ARHGEF4: variants seen among roughly 807,000 people sequenced by gnomAD.
ARHGEF4 encodes the protein Rho guanine nucleotide exchange factor 4.
Under a neutral mutation model 162.0 loss-of-function variants are expected in ARHGEF4, and 119 were observed. The ratio of observed to expected loss-of-function variants is 0.73; its 90% CI spans 0.63 to 0.86. The LOEUF (loss-of-function observed/expected upper bound fraction) is 0.86. ARHGEF4 is among the 40% of genes least tolerant of loss of function. ARHGEF4 has a pLI of 0.00. For synonymous variants in ARHGEF4, 1,014 were observed against 979.9 expected (o/e 1.03, Z -0.65); for missense variants, 2,488 against 2,456.0 (o/e 1.01, Z -0.28).
At chr2:130,876,511 C>T (rs1678855239) in intron 1 of ARHGEF4, among the ~76,000 whole-genome samples, 1 of 152,192 alleles carries the variant, frequency 6.6e-6, no homozygotes, top group Non-Finnish European at 1.5e-5. Flanking sequence ...CCTGCCTCAG[C>T]CTCCTGAGTA....
chr2:130,863,905 C>T (rs1305238967), intron 1 of ARHGEF4, among the ~76,000 whole-genome samples: 2 of 121,942 alleles, frequency 1.6e-5, no homozygotes, highest in African/African-American at 6.4e-5. Flanking sequence ...GTGAGTTAGG[C>T]GGGGCACAGT....
In ARHGEF4 at chr2:130,917,004, C is replaced by G; in HGVS notation, c.3058C>G (p.Pro1020Ala). 2 of 1,550,960 alleles carry G rather than the reference C, an allele frequency of 1.3e-6. No individual in the cohort carries two copies. The highest frequency in any genetic ancestry group is 1.7e-6 in the Non-Finnish European group (2 of 1,147,062). The change falls in exon 2 of 14, where the codon CCA (proline) becomes GCA (alanine). Residue 1020 changes from proline (P) to alanine (A), a missense_variant. Pro to Ala is a conservative substitution (Grantham distance 27). Transcript: ENST00000409359. ...STPLSSSLVS[P>A]EHRRKSEPTI... ...ACCTTTGTCCTCCAGTTTAGTTTCT[C>G]CAGAACACAGGAGGAAAAGTGAACC...
Position 130,914,189 on chromosome 2 carries a change from T to A in ARHGEF4, c.243T>A (p.Ser81=), listed in dbSNP as rs1009906329. ...GTGCCTCTGACACAGAGTCCTTGTC[T>A]GGGTACCTCCCGAGGGGAGTCTTCC... ...FESASDTESL[S]GYLPRGVFHP... is the part of the protein sequence containing the mutation. Residue 81 remains serine (S), a synonymous_variant, in exon 2 of 14, where the codon TCT becomes TCA. Coordinates refer to ENST00000409359, the MANE Select transcript of ARHGEF4 (RefSeq NM_001367493.1). The A allele has an allele frequency of 6.5e-7, 1 of 1,535,968 alleles. No homozygotes were observed. The highest frequency in any genetic ancestry group is 1.4e-5 in the African/African-American group (1 of 73,036).
chr2:130,841,622 C>A (rs1487139997), intron 1 of ARHGEF4, among the ~76,000 whole-genome samples: 1 of 152,210 alleles, frequency 6.6e-6, no homozygotes, highest in Non-Finnish European at 1.5e-5. Context: ...CCGTCATCAT[C>A]TCCAGCTGAT....
At chr2:130,953,679 G>C (rs954931196) in intron 4 of ARHGEF4, among the ~76,000 whole-genome samples, 3 of 152,134 alleles carry the variant, frequency 2.0e-5, no homozygotes, top group South Asian at 2.1e-4. Flanking sequence ...CTAACATCCA[G>C]AATCTGCAAA....
chr2:130,966,442 A>G (rs1262420007), intron 4 of ARHGEF4, among the ~76,000 whole-genome samples: 1 of 151,926 alleles, frequency 6.6e-6, no homozygotes, highest in African/African-American at 2.4e-5. Flanking sequence ...AGGGAGGAGA[A>G]CTTGAAGGGA....
chr2:130,938,164 T>C (rs537427462), intron 3 of ARHGEF4, among the ~76,000 whole-genome samples: 4 of 152,322 alleles, frequency 2.6e-5, no homozygotes, highest in Non-Finnish European at 4.4e-5. Flanking sequence ...AACATATGTT[T>C]TCATTTCTCT....
intron 4 of ARHGEF4, among the ~76,000 whole-genome samples, chr2:130,986,356 T>C (rs1450035132): frequency 6.6e-6 from 1 of 152,170 alleles, no homozygotes; most frequent in Non-Finnish European, 1.5e-5. Context: ...TAAGGGAGGA[T>C]TCTGGCTGCC....
chr2:131,002,437 G>A (rs13413025), intron 4 of ARHGEF4, among the ~76,000 whole-genome samples: 5,916 of 151,946 alleles, frequency 0.039, 248 homozygotes, highest in African/African-American at 0.11. Flanking sequence ...TTAGCTGGGC[G>A]TAGTGGCTCA....
chr2:130,881,844 G>C (rs145428176), intron 1 of ARHGEF4, among the ~76,000 whole-genome samples: 3 of 152,196 alleles, frequency 2.0e-5, no homozygotes, highest in African/African-American at 7.2e-5. Flanking sequence ...TCTGGTTGCA[G>C]CAGGTGTGTA....
chr2:130,986,090 GTT>G (rs1353608064), intron 4 of ARHGEF4, among the ~76,000 whole-genome samples: 2 of 151,670 alleles, frequency 1.3e-5, no homozygotes, highest in Non-Finnish European at 2.9e-5. Context: ...TTTTGTGTGT[GTT>G]GTGTCTATTG....
chr2:130,884,515 C>T (rs1234933179), intron 1 of ARHGEF4, among the ~76,000 whole-genome samples: 1 of 152,072 alleles, frequency 6.6e-6, no homozygotes, highest in African/African-American at 2.4e-5. Flanking sequence ...ATAAAAAGCT[C>T]TCAACAGTGG....
At chr2:130,967,289 T>C (rs1685067539) in intron 4 of ARHGEF4, among the ~76,000 whole-genome samples, 1 of 152,210 alleles carries the variant, frequency 6.6e-6, no homozygotes, top group African/African-American at 2.4e-5. Context: ...ACACGAAATA[T>C]AGCTGACAGG....
At chr2:130,869,452 C>T (rs1324543767) in intron 1 of ARHGEF4, among the ~76,000 whole-genome samples, 1 of 152,178 alleles carries the variant, frequency 6.6e-6, no homozygotes, top group Non-Finnish European at 1.5e-5. Context: ...GAGGGAGTTA[C>T]CCCTGAGATA....
At chr2:130,881,275 A>G (rs567179509) in intron 1 of ARHGEF4, among the ~76,000 whole-genome samples, 5 of 152,306 alleles carry the variant, frequency 3.3e-5, no homozygotes, top group African/African-American at 1.2e-4. Context: ...ATCCACTCCA[A>G]AGTGCTGGGA....
intron 1 of ARHGEF4, among the ~76,000 whole-genome samples, chr2:130,856,851 T>C (rs1681826095): frequency 1.3e-5 from 2 of 152,002 alleles, no homozygotes; most frequent in South Asian, 2.1e-4. Context: ...ACAGAGGTGA[T>C]TGGGAACAAA....
intron 1 of ARHGEF4, among the ~76,000 whole-genome samples, chr2:130,877,128 A>G (rs929585798): frequency 6.6e-6 from 1 of 152,206 alleles, no homozygotes; most frequent in Non-Finnish European, 1.5e-5. Context: ...TCCAGCTCAC[A>G]GGGAGCTGCG....
chr2:130,973,383 G>A (rs1685489321), intron 4 of ARHGEF4, among the ~76,000 whole-genome samples: 1 of 152,212 alleles, frequency 6.6e-6, no homozygotes, highest in African/African-American at 2.4e-5. Flanking sequence ...CAGCTACTTG[G>A]GAAGCTGAAG....
chr2:130,946,798 C>A, intron 4 of ARHGEF4, 163 bp downstream of exon 4: 1 of 958,774 alleles, frequency 1.0e-6, no homozygotes, highest in Non-Finnish European at 1.5e-6. Flanking sequence ...GGAGTGCCTA[C>A]TACCCAAAGA....
Sources: allele counts gnomAD v4.1 joint callset (sites outside exome capture counted in the v4.1 genomes callset), GRCh38; gene constraint gnomAD v4.1.1; transcripts MANE v1.5; gene names NCBI Gene and HGNC (gene_info 2026-07-23, HGNC 2026-07-21).